TMTC4: variants seen among roughly 807,000 people sequenced by gnomAD.
TMTC4 encodes protein O-mannosyl-transferase TMTC4.
Under a neutral mutation model 86.0 loss-of-function variants are expected in TMTC4, and 65 were observed. The ratio of observed to expected loss-of-function variants is 0.76; its 90% confidence interval spans 0.62 to 0.93. The LOEUF (loss-of-function observed/expected upper bound fraction) is 0.93, where lower values mean the gene tolerates loss of function less well. Among genes scored for constraint, TMTC4 ranks in the 40% least tolerant of loss-of-function variants. The pLI is 0.00. For missense variants in TMTC4, 866 were observed against 948.1 expected (o/e 0.91, Z 1.14); for synonymous variants, 379 against 382.5 (o/e 0.99, Z 0.11).
At chr13:100,666,214 G>A in intron 3 of TMTC4, 2 of 349,782 alleles carry the variant, frequency 5.7e-6, no homozygotes, top group African/African-American at 2.1e-5. Context: ...ATCATCTCAA[G>A]GAACAAAAAA....
intron 16 of TMTC4, 112 bp downstream of exon 16, chr13:100,614,202 ATT>A: frequency 1.3e-6 from 1 of 772,858 alleles, no homozygotes. Context: ...CTTCACATTA[ATT>A]TTTTTTTAAA....
At chr13:100,671,083 AAT>A (rs1357160848) in intron 1 of TMTC4, among the ~76,000 whole-genome samples, 2 of 152,262 alleles carry the variant, frequency 1.3e-5, no homozygotes, top group African/African-American at 4.8e-5. Flanking sequence ...TTAAATGCAC[AAT>A]AGAGTCATGA....
chr13:100,625,630 T>C lies in TMTC4; in HGVS notation c.1741A>G (p.Ser581Gly). ...AWMNLGIVQN[S>G]LKRFEAAEQS... ...TCTGCTGCTTCAAACCGTTTCAGGC[T>C]ATTCTGCACTATGCCTAGATTCATC... The change falls in exon 15 of 19, where the codon AGC becomes GGC. Residue 581 changes from serine to glycine, a missense_variant. Transcript: ENST00000342624. 1 of 1,614,250 alleles carries C rather than the reference T, an allele frequency of 6.2e-7. No homozygotes were observed. Among genetic ancestry groups the C allele is most frequent in the Non-Finnish European group, 8.5e-7 (1 of 1,180,058 alleles).
At chr13:100,646,421 T>G (rs1402964948) in intron 6 of TMTC4, among the ~76,000 whole-genome samples, 2 of 152,344 alleles carry the variant, frequency 1.3e-5, no homozygotes, top group East Asian at 3.9e-4. Flanking sequence ...TTAGAGGCTG[T>G]GCATCATCTC....
intron 4 of TMTC4, among the ~76,000 whole-genome samples, chr13:100,663,478 T>C (rs1886039289): frequency 6.6e-6 from 1 of 152,162 alleles, no homozygotes; most frequent in Non-Finnish European, 1.5e-5. Flanking sequence ...ATGTTTTAAG[T>C]GCAGAAGGGG....
intron 17 of TMTC4, among the ~76,000 whole-genome samples, chr13:100,611,175 C>T (rs965514113): frequency 1.3e-5 from 2 of 152,162 alleles, no homozygotes; most frequent in African/African-American, 4.8e-5. Flanking sequence ...TATACATAGG[C>T]TGAGTGATTG....
chr13:100,674,370 G>T (rs1462412856), intron 1 of TMTC4: 1 of 972,962 alleles, frequency 1.0e-6, no homozygotes, highest in South Asian at 4.7e-5. Flanking sequence ...TGGCCGCTCC[G>T]GGGACGCGCC....
chr13:100,619,893 A>G (rs984012396), intron 15 of TMTC4, among the ~76,000 whole-genome samples: 1 of 152,262 alleles, frequency 6.6e-6, no homozygotes, highest in African/African-American at 2.4e-5. Flanking sequence ...GAACACACCT[A>G]GAACAACCAA....
At chr13:100,652,864 T>C (rs1168643743) in intron 6 of TMTC4, among the ~76,000 whole-genome samples, 1 of 152,216 alleles carries the variant, frequency 6.6e-6, no homozygotes, top group African/African-American at 2.4e-5. Flanking sequence ...GGCATGAACT[T>C]TGTTGTTCTA....
intron 7 of TMTC4, among the ~76,000 whole-genome samples, chr13:100,641,676 G>C (rs904209159): frequency 6.6e-6 from 1 of 152,092 alleles, no homozygotes; most frequent in African/African-American, 2.4e-5. Context: ...TAGTAGAGAA[G>C]GGGTTTCTCC....
intron 17 of TMTC4, among the ~76,000 whole-genome samples, chr13:100,608,286 G>C (rs1876980035): frequency 6.6e-6 from 1 of 152,198 alleles, no homozygotes; most frequent in Non-Finnish European, 1.5e-5. Flanking sequence ...GCTCAGATCT[G>C]ACACCTTGTT....
intron 5 of TMTC4, among the ~76,000 whole-genome samples, chr13:100,662,110 C>A (rs145871149): frequency 1.3e-5 from 2 of 151,912 alleles, no homozygotes; most frequent in African/African-American, 4.8e-5. Flanking sequence ...AGCCTCCAGG[C>A]CTCCACTGAG....
chr13:100,666,858 C>T (rs1315373304), intron 3 of TMTC4, among the ~76,000 whole-genome samples: 1 of 152,108 alleles, frequency 6.6e-6, no homozygotes, highest in Non-Finnish European at 1.5e-5. Flanking sequence ...GGAGTGGTGG[C>T]GCATGACTGT....
chr13:100,640,545 A>G (rs896920244), intron 7 of TMTC4, among the ~76,000 whole-genome samples: 4 of 152,120 alleles, frequency 2.6e-5, no homozygotes, highest in African/African-American at 9.7e-5. Context: ...AGCTATTTCT[A>G]TATGATCATT....
In TMTC4 at chr13:100,634,880, C is replaced by T. The variant is rs74397712; in HGVS notation, c.1431G>A (p.Val477=). ...CACTCCGCCACTCGCCGCTGCGCAG[C>T]ACACATCTCAGCGTGTTGATGAATA... ...GILFINTLRC[V]LRSGEWRSEE... is the part of the protein sequence containing the mutation. Residue 477 remains valine (V), a synonymous_variant, in exon 12 of 19, where the codon GTG becomes GTA. Coordinates refer to ENST00000342624, the MANE Select transcript of TMTC4 (RefSeq NM_032813.5). 2 of 1,614,086 alleles carry T rather than the reference C, an allele frequency of 1.2e-6. No individual in the cohort carries two copies. Among genetic ancestry groups the T allele is most frequent in the African/African-American group, 2.7e-5 (2 of 74,922 alleles).
At chr13:100,660,003 C>A (rs575569266) in intron 5 of TMTC4, among the ~76,000 whole-genome samples, 3 of 150,254 alleles carry the variant, frequency 2.0e-5, no homozygotes, top group Non-Finnish European at 3.0e-5. Flanking sequence ...GTGGTAAAGA[C>A]CTAAAACATA....
At chr13:100,627,453 C>T (rs1312412961) in intron 12 of TMTC4, among the ~76,000 whole-genome samples, 1 of 152,172 alleles carries the variant, frequency 6.6e-6, no homozygotes, top group African/African-American at 2.4e-5. Flanking sequence ...AGGGAAGAGA[C>T]TGCTCCCTGC....
At chr13:100,640,677 T>C (rs865931271) in intron 7 of TMTC4, among the ~76,000 whole-genome samples, 10 of 151,910 alleles carry the variant, frequency 6.6e-5, no homozygotes, top group African/African-American at 2.2e-4. Context: ...GAAAATTAGC[T>C]GGGGTGGTGG....
At chr13:100,664,086 T>C (rs984091016) in intron 4 of TMTC4, 135 bp downstream of exon 4, 3 of 602,924 alleles carry the variant, frequency 5.0e-6, no homozygotes, top group Non-Finnish European at 5.6e-6. Context: ...GACCCATGTA[T>C]ATGAGCAGCT....
Sources: allele counts gnomAD v4.1 joint callset (sites outside exome capture counted in the v4.1 genomes callset), GRCh38; gene constraint gnomAD v4.1.1; transcripts MANE v1.5; gene names NCBI Gene and HGNC (gene_info 2026-07-23, HGNC 2026-07-21).